The following RBFOX1 variants were observed in gnomAD, a reference collection of about 807,000 sequenced individuals.
RBFOX1 encodes RNA binding protein fox-1 homolog 1.
RBFOX1 carries 8 observed loss-of-function variants against 57.7 expected under a neutral mutation model. That is an observed-to-expected ratio of 0.14 (90% CI 0.08 to 0.25). The LOEUF (loss-of-function observed/expected upper bound fraction) is 0.25. Among genes scored for constraint, RBFOX1 ranks in the 10% least tolerant of loss-of-function variants. The pLI, the probability that RBFOX1 is intolerant of heterozygous loss-of-function variation, is 1.00. For missense variants in RBFOX1, 611 were observed against 548.5 expected, an observed-to-expected ratio of 1.11 and a Z score of -1.14; for synonymous variants, 326 against 222.4, an observed-to-expected ratio of 1.47 and a Z score of -4.15.
chr16:6,309,512 C>G (rs954758367), intron 1 of RBFOX1, among the ~76,000 whole-genome samples: 1 of 152,138 alleles, frequency 6.6e-6, no homozygotes, highest in East Asian at 1.9e-4. Flanking sequence ...GAGCTGGTGG[C>G]AGAGTGCGCC....
intron 2 of RBFOX1, among the ~76,000 whole-genome samples, chr16:6,404,928 C>T (rs1447159586): frequency 4.0e-4 from 61 of 152,162 alleles, no homozygotes; most frequent in Non-Finnish European, 4.4e-5. Context: ...TGGAATTCAG[C>T]ATTGGTAGAC....
intron 1 of RBFOX1, among the ~76,000 whole-genome samples, chr16:6,185,609 G>T (rs997489160): frequency 6.6e-6 from 1 of 152,104 alleles, no homozygotes; most frequent in African/African-American, 2.4e-5. Flanking sequence ...AAGTACCAAT[G>T]TACACAGAGC....
chr16:6,980,320 C>G (rs935917531), intron 3 of RBFOX1, among the ~76,000 whole-genome samples: 5 of 152,072 alleles, frequency 3.3e-5, no homozygotes, highest in Admixed American at 2.0e-4. Flanking sequence ...TAAATATTAC[C>G]TATTCGTTTT....
At chr16:7,691,831 T>G (rs1444329898) in intron 14 of RBFOX1, among the ~76,000 whole-genome samples, 1 of 152,158 alleles carries the variant, frequency 6.6e-6, no homozygotes. Context: ...CATAGATATG[T>G]GAATGCCTAG....
intron 1 of RBFOX1, among the ~76,000 whole-genome samples, chr16:6,214,517 A>C (rs1307633507): frequency 9.3e-6 from 1 of 107,504 alleles, no homozygotes; most frequent in Admixed American, 1.1e-4. Flanking sequence ...AAAAGTGGAG[A>C]GGAAGAGAGG....
chr16:7,002,652 C>A (rs1329848711), intron 3 of RBFOX1, among the ~76,000 whole-genome samples: 8 of 152,108 alleles, frequency 5.3e-5, no homozygotes, highest in Non-Finnish European at 1.2e-4. Context: ...GCAGAGGTTG[C>A]AGGGAGCCGA....
intron 4 of RBFOX1, among the ~76,000 whole-genome samples, chr16:7,402,072 C>T (rs780877976): frequency 6.6e-6 from 1 of 151,844 alleles, no homozygotes; most frequent in African/African-American, 2.4e-5. Context: ...TGTCATGTTC[C>T]TCAGAGTCAG....
intron 3 of RBFOX1, among the ~76,000 whole-genome samples, chr16:6,940,294 G>A (rs1406315812): frequency 2.0e-5 from 3 of 152,182 alleles, no homozygotes; most frequent in Non-Finnish European, 1.5e-5. Flanking sequence ...ATAGGAAGGG[G>A]CTGCTGTGAG....
intron 3 of RBFOX1, among the ~76,000 whole-genome samples, chr16:6,935,337 T>C (rs1263565060): frequency 6.6e-6 from 1 of 152,128 alleles, no homozygotes; most frequent in African/African-American, 2.4e-5. Context: ...CTTCATAAAG[T>C]AGAGCCTCAT....
intron 1 of RBFOX1, among the ~76,000 whole-genome samples, chr16:6,048,294 A>G (rs12928867): frequency 0.33 from 50,307 of 152,014 alleles, 8,484 homozygotes; most frequent in Non-Finnish European, 0.37. Context: ...ATGCCCTTCA[A>G]ATAGTATTCT....
intron 4 of RBFOX1, among the ~76,000 whole-genome samples, chr16:6,000,398 T>A (rs760258246): frequency 1.3e-5 from 2 of 152,138 alleles, no homozygotes; most frequent in African/African-American, 2.4e-5. Context: ...TAGGAGGCAC[T>A]GTGGGGGCGT....
intron 1 of RBFOX1, among the ~76,000 whole-genome samples, chr16:6,251,866 C>G (rs141136118): frequency 3.2e-4 from 49 of 152,230 alleles, no homozygotes; most frequent in African/African-American, 1.1e-3. Context: ...AAACTTCCTC[C>G]TCTGTCCAGG....
chr16:6,585,312 C>G (rs1435109530), intron 2 of RBFOX1, among the ~76,000 whole-genome samples: 2 of 152,200 alleles, frequency 1.3e-5, no homozygotes, highest in Admixed American at 1.3e-4. Context: ...TGCCATGAAG[C>G]ATTGTCATTA....
chr16:5,558,267 C>T (rs2045755003), intron 2 of RBFOX1, among the ~76,000 whole-genome samples: 1 of 152,148 alleles, frequency 6.6e-6, no homozygotes, highest in Non-Finnish European at 1.5e-5. Context: ...CTGCAGCATG[C>T]AGAGCTGAAA....
intron 4 of RBFOX1, among the ~76,000 whole-genome samples, chr16:7,087,523 G>A (rs1013968197): frequency 7.0e-6 from 1 of 143,540 alleles, no homozygotes; most frequent in Admixed American, 7.0e-5. Flanking sequence ...ACAGAAAAGA[G>A]AAGAAGGGCA....
intron 6 of RBFOX1, among the ~76,000 whole-genome samples, chr16:7,584,512 C>T (rs188412179): frequency 3.7e-4 from 57 of 152,220 alleles, no homozygotes; most frequent in African/African-American, 1.3e-3. Flanking sequence ...ATCCTGGTCC[C>T]AAACTCCCCA....
At chr16:5,539,332 C>T (rs2044835640) in intron 2 of RBFOX1, among the ~76,000 whole-genome samples, 1 of 151,234 alleles carries the variant, frequency 6.6e-6, no homozygotes, top group Admixed American at 6.6e-5. Flanking sequence ...ATGGCTCACG[C>T]CTGTAATCCC....
At chr16:6,193,936 T>A (rs752172498) in intron 1 of RBFOX1, among the ~76,000 whole-genome samples, 13 of 152,182 alleles carry the variant, frequency 8.5e-5, no homozygotes, top group Non-Finnish European at 1.9e-4. Flanking sequence ...TCTCCAAGGT[T>A]CTGACCTCCG....
At chr16:6,820,320 C>G (rs373937843) in intron 3 of RBFOX1, among the ~76,000 whole-genome samples, 7 of 152,246 alleles carry the variant, frequency 4.6e-5, no homozygotes, top group Admixed American at 3.3e-4. Flanking sequence ...TCCTCTTAAT[C>G]ATCAAATAAT....
Sources: allele counts gnomAD v4.1 joint callset (sites outside exome capture counted in the v4.1 genomes callset), GRCh38; gene constraint gnomAD v4.1.1; transcripts MANE v1.5; gene names NCBI Gene and HGNC (gene_info 2026-07-23, HGNC 2026-07-21).